Variants in KIF5C observed in about 807,000 individuals in gnomAD.
KIF5C encodes kinesin heavy chain isoform 5C.
A neutral mutation model predicts 125.2 loss-of-function variants in KIF5C; 18 were observed. The observed-to-expected ratio is 0.14, with a 90% CI of 0.10 to 0.21. The LOEUF (loss-of-function observed/expected upper bound fraction) is 0.21. Ranked by LOEUF, KIF5C falls within the 10% of genes least tolerant of loss-of-function variation. KIF5C has a pLI of 1.00. For synonymous variants in KIF5C, 405 were observed against 434.0 expected, an observed-to-expected ratio of 0.93 and a Z score of 0.83; for missense variants, 780 against 1,183.8, an observed-to-expected ratio of 0.66 and a Z score of 5.01.
At chr2:148,916,060 TAG>T (rs1681537310) in intron 1 of KIF5C, among the ~76,000 whole-genome samples, 1 of 151,988 alleles carries the variant, frequency 6.6e-6, no homozygotes, top group South Asian at 2.1e-4. Flanking sequence ...AGCCTTCAGG[TAG>T]AGAGATGCAG....
chr2:148,985,450 G>C lies in KIF5C; in HGVS notation c.1716+1684G>C, dbSNP rs372677785. ...CCCATCTCCCCCAAAAGTATGTGGG[G>C]GCAGTTTCTGGTCTCTCTATTTTGT... On this transcript the variant is annotated intron_variant, in intron 15 of 25. Transcript: ENST00000435030. 7.2e-5 allele frequency among the ~76,000 whole-genome samples: 11 copies of C among 152,234 alleles called. No individual in the cohort carries two copies. The East Asian group carries it at 2.1e-3, about 29-fold the overall frequency.
intron 1 of KIF5C, among the ~76,000 whole-genome samples, chr2:148,918,769 GC>G (rs1356271197): frequency 2.6e-5 from 4 of 152,182 alleles, no homozygotes; most frequent in Admixed American, 2.6e-4. Flanking sequence ...AAGGAATTAG[GC>G]AAGGAATTGG....
At chr2:149,022,617 G>T (rs756840766) in intron 25 of KIF5C, among the ~76,000 whole-genome samples, 1 of 152,048 alleles carries the variant, frequency 6.6e-6, no homozygotes, top group African/African-American at 2.4e-5. Flanking sequence ...AGCCACTAGA[G>T]AATTTAAAAT....
chr2:148,990,650 C>T (rs562918889), intron 15 of KIF5C, among the ~76,000 whole-genome samples: 71 of 152,278 alleles, frequency 4.7e-4, no homozygotes, highest in Non-Finnish European at 7.8e-4. Context: ...CATTGGGTGT[C>T]GCTGCTGTTA....
At chr2:149,007,938 T>G (rs1371279380) in intron 22 of KIF5C, 25 bp from the exon 23 acceptor site, 2 of 1,561,530 alleles carry the variant, frequency 1.3e-6, no homozygotes, top group Admixed American at 3.4e-5. Context: ...CAGCCTGTCC[T>G]GCTGACCCCT....
intron 12 of KIF5C, among the ~76,000 whole-genome samples, chr2:148,973,741 G>A (rs908925194): frequency 5.3e-5 from 8 of 152,180 alleles, no homozygotes; most frequent in South Asian, 2.1e-4. Flanking sequence ...ATAGACAGGC[G>A]GGTGCTATTT....
intron 1 of KIF5C, among the ~76,000 whole-genome samples, chr2:148,883,192 A>T (rs1397164436): frequency 1.3e-5 from 2 of 152,202 alleles, no homozygotes; most frequent in Admixed American, 6.5e-5. Context: ...CATGCAAAAA[A>T]TCATAAAGAA....
At chr2:148,880,341 G>A (rs1290698661) in intron 1 of KIF5C, among the ~76,000 whole-genome samples, 1 of 152,216 alleles carries the variant, frequency 6.6e-6, no homozygotes, top group Non-Finnish European at 1.5e-5. Context: ...GGCTGGTCTT[G>A]AACTCCTGAC....
In KIF5C at chr2:148,903,962, A is replaced by G. The variant is rs1026523749; in HGVS notation, c.127-18175A>G. 6.6e-5 allele frequency among the ~76,000 whole-genome samples: 10 copies of G among 152,174 alleles called. No homozygotes were observed. In the East Asian group the frequency reaches 1.7e-3, roughly 26 times the overall value. On this transcript the variant is annotated intron_variant, in intron 1 of 25. Coordinates refer to ENST00000435030, the MANE Select transcript of KIF5C (RefSeq NM_004522.3). The stretch of plus-strand genomic sequence containing the variant: ...CCTATCTTATTTGATTCTAAGTTAC[A>G]TGTTGAAGGTATCTTTGAGCCACTC...
At chr2:148,886,258 C>A (rs1681523487) in intron 1 of KIF5C, 1 of 152,390 alleles carries the variant, frequency 6.6e-6, no homozygotes, top group Non-Finnish European at 1.5e-5. Context: ...CATCTGCCCT[C>A]TGTGACAGGC....
chr2:148,973,398 G>T lies in KIF5C; in HGVS notation c.1180G>T (p.Asp394Tyr). 6 of 1,613,776 alleles carry T rather than the reference G, an allele frequency of 3.7e-6. No individual in the cohort carries two copies. The highest frequency in any genetic ancestry group is 5.1e-6 in the Non-Finnish European group (6 of 1,179,720). Residue 394 changes from aspartate to tyrosine, a missense_variant, in exon 12 of 26, where the codon GAT (aspartate) becomes TAT (tyrosine). Around this residue, in one of 2 missense-constraint regions of KIF5C, gnomAD observed 573 missense variants for 742.6 expected, o/e 0.77. Transcript: ENST00000435030. ...GGACCAGAAGAACCTGGAGCCTTGT[G>T]ATAACACCCCCATCATAGACAATAT... is the stretch of plus-strand genomic sequence containing the variant. ...AKDQKNLEPCDNTPIIDNIAP... is the reference protein window; with the variant it reads ...AKDQKNLEPCYNTPIIDNIAP...
intron 8 of KIF5C, chr2:148,947,379 C>T (rs115258956): frequency 2.1e-3 from 446 of 210,468 alleles, no homozygotes; most frequent in African/African-American, 9.9e-3. Flanking sequence ...ATGTTGTACC[C>T]GACTCTAATA....
Position 148,962,161 on chromosome 2 carries a change from C to CT in KIF5C, c.1117+49dup, listed in dbSNP as rs774561485. ...AGGAAGAGTGAGGCATGAGTGTGTGCTTTTTTTATTTTTATTTTTTTTGAG... is the reference window on the plus strand; with the variant it reads ...AGGAAGAGTGAGGCATGAGTGTGTGCTTTTTTTTATTTTTATTTTTTTTGAG... On this transcript the variant is annotated intron_variant, in intron 11 of 25. Transcript: ENST00000435030. 3,462 of 1,521,968 alleles carry CT rather than the reference C, an allele frequency of 2.3e-3. 11 individuals are homozygous for CT. The highest frequency in any genetic ancestry group is 2.8e-3 in the Non-Finnish European group (3,154 of 1,136,822). 94.3% of individuals were successfully genotyped at this position (1,521,968 alleles called of 1,614,324 possible). A position where few individuals can be genotyped will look rare whatever the true frequency, so the allele number is the denominator to read the frequency against.
chr2:149,000,371 C>G, intron 19 of KIF5C, 52 bp from the exon 20 acceptor site: 1 of 1,534,090 alleles, frequency 6.5e-7, no homozygotes. Context: ...AGCCTGATGA[C>G]TCAGAATTTC....
At chr2:148,921,231 G>C (rs755778076) in intron 1 of KIF5C, among the ~76,000 whole-genome samples, 1 of 152,098 alleles carries the variant, frequency 6.6e-6, no homozygotes, top group African/African-American at 2.4e-5. Flanking sequence ...TTATTTCCTT[G>C]AAACACACAC....
intron 15 of KIF5C, among the ~76,000 whole-genome samples, chr2:148,984,575 G>A (rs529791262): frequency 1.3e-5 from 2 of 152,148 alleles, no homozygotes; most frequent in Admixed American, 6.5e-5. Context: ...AGGCAGGATG[G>A]GCTGAAAAGG....
At position 148,876,124 on chromosome 2, in the gene KIF5C, T is replaced by C. The variant is rs1681182262; in HGVS notation, c.126+381T>C. On this transcript the variant is annotated intron_variant, in intron 1 of 25. Coordinates refer to ENST00000435030, the MANE Select transcript of KIF5C (RefSeq NM_004522.3). This position sits in a 1 kb window ranked among gnomAD's most constrained non-coding sequence, Gnocchi z 4.7. ...CAGGCCCCCTTTAAAGTGTGAGCTC[T>C]GCAACCCGCAAATGCTTCTGGGCAT... Among the ~76,000 whole-genome samples, 1 of 152,194 alleles carries C rather than the reference T, an allele frequency of 6.6e-6. No homozygotes were observed. The highest frequency in any genetic ancestry group is 2.4e-5 in the African/African-American group (1 of 41,454).
chr2:148,925,284 T>G (rs1681946593), intron 2 of KIF5C, among the ~76,000 whole-genome samples: 1 of 152,170 alleles, frequency 6.6e-6, no homozygotes, highest in African/African-American at 2.4e-5. Flanking sequence ...ACATTTAGGC[T>G]GGAGCAATTT....
At position 148,876,382 on chromosome 2, in the gene KIF5C, C is replaced by T. The variant is rs1681191955; in HGVS notation, c.126+639C>T. 6.6e-6 allele frequency among the ~76,000 whole-genome samples: 1 copy of T among 152,182 alleles called. No individual in the cohort carries two copies. Among genetic ancestry groups the T allele is most frequent in the Admixed American group, 6.5e-5 (1 of 15,288 alleles). On this transcript the variant is annotated intron_variant, in intron 1 of 25. Coordinates refer to ENST00000435030, the MANE Select transcript of KIF5C (RefSeq NM_004522.3). The surrounding 1 kb of genome is among the most constrained non-coding windows in gnomAD (Gnocchi z 4.7). Reference sequence around the variant, plus strand: ...CTGGTGTGTCTCCCGCTTCCTCTCACGCCTGGCTGCCCTGGATGTGGAGTC... The same window carrying T: ...CTGGTGTGTCTCCCGCTTCCTCTCATGCCTGGCTGCCCTGGATGTGGAGTC...
Sources: allele counts gnomAD v4.1 joint callset (sites outside exome capture counted in the v4.1 genomes callset), GRCh38; gene constraint gnomAD v4.1.1; regional missense constraint gnomAD v4.1.1; non-coding constraint Gnocchi (gnomAD v3.1); transcripts MANE v1.5; gene names NCBI Gene and HGNC (gene_info 2026-07-23, HGNC 2026-07-21).